The following ADAM32 variants were observed in gnomAD, a reference collection of about 807,000 sequenced individuals.
The protein encoded by ADAM32 is ADAM metallopeptidase domain 32, also known as disintegrin and metalloproteinase domain-containing protein 32.
A neutral mutation model predicts 114.9 loss-of-function variants in ADAM32; 89 were observed. The observed-to-expected ratio is 0.77, with a 90% CI of 0.65 to 0.92. The LOEUF (loss-of-function observed/expected upper bound fraction) is 0.92, where lower values mean the gene tolerates loss of function less well. ADAM32 is among the 40% of genes least tolerant of loss of function. The pLI is 0.00. For synonymous variants in ADAM32, 285 were observed against 307.5 expected, an observed-to-expected ratio of 0.93 and a Z score of 0.77; for missense variants, 870 against 932.8, an observed-to-expected ratio of 0.93 and a Z score of 0.88.
At chr8:39,167,634 A>G (rs1229110221) in intron 9 of ADAM32, 2 of 137,460 alleles carry the variant, frequency 1.5e-5, no homozygotes, top group African/African-American at 2.5e-5. Context: ...GCTTTTGGCA[A>G]TATCATTTTC....
intron 2 of ADAM32, among the ~76,000 whole-genome samples, chr8:39,119,214 C>T (rs536671228): frequency 5.3e-5 from 8 of 151,862 alleles, no homozygotes; most frequent in Non-Finnish European, 1.2e-4. Flanking sequence ...ATATATTTTC[C>T]CTTGGGTAGA....
intron 10 of ADAM32, among the ~76,000 whole-genome samples, chr8:39,180,956 G>A (rs931051856): frequency 2.0e-5 from 3 of 152,270 alleles, no homozygotes; most frequent in Admixed American, 1.3e-4. Context: ...CATACTCTGT[G>A]TCTAACTAAT....
chr8:39,245,976 G>T lies in ADAM32; in HGVS notation c.1819-107G>T, dbSNP rs1810890668. 1.6e-5 allele frequency: 14 copies of T among 883,340 alleles called. No individual in the cohort carries two copies. The South Asian group carries it at 2.1e-4, about 14-fold the overall frequency. 54.7% of individuals were successfully genotyped at this position (883,340 alleles called of 1,614,324 possible). Reference sequence around the variant, plus strand: ...AAAAGCAGTACTTAGAGGAAAATTTGTATCATTGAATGGCTATGCTTTTAT... The same window carrying T: ...AAAAGCAGTACTTAGAGGAAAATTTTTATCATTGAATGGCTATGCTTTTAT... On this transcript the variant is annotated intron_variant, in intron 16 of 24. Transcript: ENST00000379907.
chr8:39,161,731 G>A (rs1408484251), intron 7 of ADAM32, among the ~76,000 whole-genome samples: 1 of 152,096 alleles, frequency 6.6e-6, no homozygotes, highest in African/African-American at 2.4e-5. Context: ...CAGGAAGCCA[G>A]AGTTAAGGTC....
chr8:39,125,692 G>A (rs1030896613), intron 2 of ADAM32, among the ~76,000 whole-genome samples: 2 of 152,040 alleles, frequency 1.3e-5, no homozygotes, highest in Non-Finnish European at 2.9e-5. Context: ...GATCCCATTT[G>A]TTAATTTTTG....
chr8:39,270,265 G>A (rs143703627), intron 19 of ADAM32, among the ~76,000 whole-genome samples: 53 of 152,290 alleles, frequency 3.5e-4, no homozygotes, highest in African/African-American at 1.1e-3. Context: ...CTGGGGTCCT[G>A]AAACTGCACT....
intron 16 of ADAM32, among the ~76,000 whole-genome samples, chr8:39,241,084 C>A (rs1450271155): frequency 6.6e-6 from 1 of 152,194 alleles, no homozygotes; most frequent in African/African-American, 2.4e-5. Flanking sequence ...AAAGGGGCTA[C>A]AGGTCCCATG....
At position 39,160,933 on chromosome 8, in the gene ADAM32, C is replaced by G. The variant is rs1585426700; in HGVS notation, c.562C>G (p.Leu188Val). The part of the protein sequence containing the change: ...PAVPDLFPLY[L>V]EMHIVVDKTL... The stretch of plus-strand genomic sequence containing the variant: ...TGTTCCAGATTTATTTCCTCTTTAT[C>G]TAGAAATGCATATTGTGGTGGACAA... The change falls in exon 7 of 25, where the codon CTA (leucine) becomes GTA (valine). Residue 188 changes from leucine to valine, a missense_variant. Coordinates refer to ENST00000379907, the MANE Select transcript of ADAM32 (RefSeq NM_145004.7). 6.3e-7 allele frequency: 1 copy of G among 1,600,000 alleles called. No individual in the cohort carries two copies. Among genetic ancestry groups the G allele is most frequent in the Non-Finnish European group, 8.5e-7 (1 of 1,173,628 alleles).
At chr8:39,222,105 A>G (rs1240900818) in intron 13 of ADAM32, among the ~76,000 whole-genome samples, 1 of 152,058 alleles carries the variant, frequency 6.6e-6, no homozygotes, top group African/African-American at 2.4e-5. Flanking sequence ...AAGGAAGGAA[A>G]CTCACTAGAA....
chr8:39,268,370 C>T (rs766585165), intron 19 of ADAM32, among the ~76,000 whole-genome samples: 3 of 152,046 alleles, frequency 2.0e-5, no homozygotes, highest in Non-Finnish European at 4.4e-5. Context: ...TGGTTATTTG[C>T]CATCTGTATA....
intron 22 of ADAM32, among the ~76,000 whole-genome samples, chr8:39,278,428 C>A (rs1813224549): frequency 6.6e-6 from 1 of 152,190 alleles, no homozygotes. Flanking sequence ...TCTCTGCCAC[C>A]TGTTCCCATC....
intron 11 of ADAM32, among the ~76,000 whole-genome samples, chr8:39,205,264 G>A (rs1807742989): frequency 6.6e-6 from 1 of 152,216 alleles, no homozygotes; most frequent in African/African-American, 2.4e-5. Flanking sequence ...TTGAGCTGCG[G>A]TGGGCTCCAC....
At chr8:39,194,871 C>T (rs1401959807) in intron 11 of ADAM32, among the ~76,000 whole-genome samples, 1 of 152,008 alleles carries the variant, frequency 6.6e-6, no homozygotes, top group Non-Finnish European at 1.5e-5. Context: ...GACACTCCTG[C>T]ACCAAACCTC....
intron 14 of ADAM32, among the ~76,000 whole-genome samples, chr8:39,226,039 A>G (rs374731526): frequency 6.6e-6 from 1 of 152,196 alleles, no homozygotes; most frequent in Non-Finnish European, 1.5e-5. Context: ...GAGAAACAAC[A>G]TACATTTTTA....
chr8:39,129,310 T>G (rs1283776451), intron 2 of ADAM32, among the ~76,000 whole-genome samples: 1 of 152,168 alleles, frequency 6.6e-6, no homozygotes, highest in Non-Finnish European at 1.5e-5. Context: ...GTACTCAGTC[T>G]TTTAACACTG....
intron 11 of ADAM32, among the ~76,000 whole-genome samples, chr8:39,198,563 A>C (rs1313336650): frequency 1.3e-5 from 2 of 152,102 alleles, no homozygotes; most frequent in African/African-American, 4.8e-5. Context: ...TTGTTAGTGG[A>C]GATGGGGTTT....
chr8:39,151,584 AGTT>A, intron 6 of ADAM32, 36 bp downstream of exon 6: 1 of 1,347,322 alleles, frequency 7.4e-7, no homozygotes, highest in Non-Finnish European at 9.9e-7. Context: ...CTTTTAAAGC[AGTT>A]ATTACTTCCA....
At chr8:39,250,509 C>T (rs925304090) in intron 17 of ADAM32, among the ~76,000 whole-genome samples, 2 of 151,936 alleles carry the variant, frequency 1.3e-5, no homozygotes, top group Non-Finnish European at 2.9e-5. Flanking sequence ...TTAGAGCTTT[C>T]AGCATATGAA....
intron 1 of ADAM32, among the ~76,000 whole-genome samples, chr8:39,111,178 T>G (rs74933034): frequency 1.9e-3 from 295 of 152,306 alleles, no homozygotes; most frequent in Middle Eastern, 6.8e-3. Context: ...CTTTTGGCTG[T>G]TAGGAGTAAT....
Sources: gnomAD v4.1 joint callset for allele counts (sites outside exome capture counted in the v4.1 genomes callset) on GRCh38, gnomAD v4.1.1 for gene constraint, MANE v1.5 for transcripts, NCBI Gene and HGNC (gene_info 2026-07-23, HGNC 2026-07-21) for gene names.